Variants in TMEM132D observed in about 807,000 individuals in gnomAD.
TMEM132D encodes transmembrane protein 132D.
A neutral mutation model predicts 62.3 loss-of-function variants in TMEM132D; 21 were observed. That is an observed-to-expected ratio of 0.34 (90% CI 0.24 to 0.49). TMEM132D has a LOEUF of 0.49. Among genes scored for constraint, TMEM132D ranks in the 20% least tolerant of loss-of-function variants. The pLI, the probability that TMEM132D is intolerant of heterozygous loss-of-function variation, is 0.99. For missense variants in TMEM132D, 1,346 were observed against 1,402.8 expected (o/e 0.96, Z 0.65); for synonymous variants, 621 against 575.6 (o/e 1.08, Z -1.13).
chr12:129,215,422 C>A (rs937879485), intron 4 of TMEM132D, among the ~76,000 whole-genome samples: 1 of 152,250 alleles, frequency 6.6e-6, no homozygotes, highest in African/African-American at 2.4e-5. Context: ...GTACAACAAA[C>A]CTCCATGACA....
intron 4 of TMEM132D, among the ~76,000 whole-genome samples, chr12:129,251,976 C>T (rs1880279237): frequency 6.6e-6 from 1 of 152,158 alleles, no homozygotes; most frequent in African/African-American, 2.4e-5. Context: ...CTGGAACACC[C>T]ACCCTATACT....
chr12:129,445,831 T>C (rs1003615115), intron 3 of TMEM132D, among the ~76,000 whole-genome samples: 25 of 152,170 alleles, frequency 1.6e-4, no homozygotes, highest in Non-Finnish European at 3.2e-4. Context: ...CTGAGATGCA[T>C]TTATGTGCAG....
chr12:129,243,968 A>G (rs573341168), intron 4 of TMEM132D, among the ~76,000 whole-genome samples: 1 of 151,884 alleles, frequency 6.6e-6, no homozygotes, highest in African/African-American at 2.4e-5. Context: ...TTAGGTATAT[A>G]CCTAGAATCT....
chr12:129,557,270 G>C (rs1459509892), intron 2 of TMEM132D, among the ~76,000 whole-genome samples: 1 of 152,092 alleles, frequency 6.6e-6, no homozygotes, highest in Non-Finnish European at 1.5e-5. Flanking sequence ...TATGCATATA[G>C]ATTCAAATTT....
intron 1 of TMEM132D, among the ~76,000 whole-genome samples, chr12:129,748,045 G>T (rs1221958936): frequency 6.6e-6 from 1 of 152,188 alleles, no homozygotes; most frequent in Non-Finnish European, 1.5e-5. Context: ...CTGTGCATTT[G>T]CAACAGGGCT....
chr12:129,423,377 A>G (rs569874637), intron 3 of TMEM132D, among the ~76,000 whole-genome samples: 6 of 152,304 alleles, frequency 3.9e-5, no homozygotes, highest in African/African-American at 1.4e-4. Flanking sequence ...CTGTGCCTGC[A>G]CTGCCTTGTC....
chr12:129,610,182 G>A lies in TMEM132D; in HGVS notation c.969-78977C>T, dbSNP rs116363524. 4.6e-3 allele frequency among the ~76,000 whole-genome samples: 695 copies of A among 151,174 alleles called. 4 individuals carry two copies. Among genetic ancestry groups the A allele is most frequent in the African/African-American group, 0.016 (665 of 41,150 alleles). On this transcript the variant is annotated intron_variant, in intron 2 of 8. Coordinates refer to ENST00000422113, the MANE Select transcript of TMEM132D (RefSeq NM_133448.3). ...GCTACTTCAGGAGGCTGAGGCAGGA[G>A]AATAGAATTGCTTGAACCTGGGAGG...
At chr12:129,771,583 A>C (rs892308804) in intron 1 of TMEM132D, among the ~76,000 whole-genome samples, 1 of 152,210 alleles carries the variant, frequency 6.6e-6, no homozygotes, top group Non-Finnish European at 1.5e-5. Context: ...TTGAGAGTTC[A>C]TGTTTGCTAA....
rs143084996 is a variant in TMEM132D at position 129,700,121 on chromosome 12, C to T, written c.657G>A (p.Pro219=). 7.3e-5 allele frequency: 118 copies of T among 1,613,356 alleles called. No individual in the cohort carries two copies. The highest frequency in any genetic ancestry group is 5.7e-4 in the African/African-American group (43 of 75,026). The part of the protein sequence containing the change: ...VAGRRKSVDQ[P]EGTPVELYYT... ...AGTAGAGCTCCACGGGGGTCCCCTC[C>T]GGCTGGTCCACGGACTTCCTCCTCC... Residue 219 remains proline, a synonymous_variant, in exon 2 of 9, where the codon CCG becomes CCA. Transcript: ENST00000422113.
At chr12:129,103,203 C>T (rs1398789749) in intron 5 of TMEM132D, among the ~76,000 whole-genome samples, 1 of 152,140 alleles carries the variant, frequency 6.6e-6, no homozygotes, top group African/African-American at 2.4e-5. Context: ...GGATTTGCTC[C>T]TTCATCTCTT....
At chr12:129,790,759 C>A (rs1166796835) in intron 1 of TMEM132D, among the ~76,000 whole-genome samples, 1 of 152,210 alleles carries the variant, frequency 6.6e-6, no homozygotes, top group Non-Finnish European at 1.5e-5. Context: ...GGGATCCACC[C>A]TCCTCTGCCC....
At chr12:129,164,147 C>G (rs375736222) in intron 5 of TMEM132D, among the ~76,000 whole-genome samples, 1 of 152,182 alleles carries the variant, frequency 6.6e-6, no homozygotes, top group Admixed American at 6.5e-5. Flanking sequence ...CTGAAAAAAA[C>G]CACAACACAG....
chr12:129,294,144 C>G (rs1881513861), intron 4 of TMEM132D, among the ~76,000 whole-genome samples: 1 of 152,124 alleles, frequency 6.6e-6, no homozygotes, highest in African/African-American at 2.4e-5. Context: ...ATAATTAGAA[C>G]AGAGGGAAGT....
intron 4 of TMEM132D, among the ~76,000 whole-genome samples, chr12:129,226,614 G>A (rs1003895016): frequency 6.6e-5 from 10 of 152,238 alleles, no homozygotes; most frequent in Non-Finnish European, 1.2e-4. Flanking sequence ...CTGCCTTATA[G>A]GAATGTGAAC....
rs369879639 is a variant in TMEM132D, at chr12:129,338,301, G to T, written c.1116-484C>A. On this transcript the variant is annotated intron_variant, in intron 3 of 8. Transcript: ENST00000422113. ...TTATTGGCAGTGATAAGACAGAATT[G>T]CACAGAAACAGGCAACGTGTGCACA... is the stretch of plus-strand genomic sequence containing the variant. Among the ~76,000 whole-genome samples the T allele has an allele frequency of 1.9e-4, 29 of 152,242 alleles. No homozygotes were observed. In the South Asian group the frequency reaches 5.4e-3, roughly 28 times the overall value.
intron 4 of TMEM132D, among the ~76,000 whole-genome samples, chr12:129,243,301 C>T (rs568982812): frequency 2.5e-4 from 38 of 152,216 alleles, no homozygotes; most frequent in African/African-American, 7.0e-4. Flanking sequence ...CTATTTTACA[C>T]GAGGATTTTT....
At chr12:129,838,878 T>C (rs955199685) in intron 1 of TMEM132D, among the ~76,000 whole-genome samples, 1 of 152,050 alleles carries the variant, frequency 6.6e-6, no homozygotes, top group African/African-American at 2.4e-5. Flanking sequence ...CACACTGCTA[T>C]ATTCCATTTA....
At chr12:129,893,079 G>C (rs1361932076) in intron 1 of TMEM132D, among the ~76,000 whole-genome samples, 1 of 152,108 alleles carries the variant, frequency 6.6e-6, no homozygotes, top group African/African-American at 2.4e-5. Context: ...GTTTCATCAT[G>C]TTGGCCAGGC....
At chr12:129,160,511 C>G (rs1244976686) in intron 5 of TMEM132D, among the ~76,000 whole-genome samples, 1 of 152,212 alleles carries the variant, frequency 6.6e-6, no homozygotes, top group Non-Finnish European at 1.5e-5. Context: ...GCTGACATCC[C>G]TCTTGCTTAG....
Sources: allele counts gnomAD v4.1 joint callset (sites outside exome capture counted in the v4.1 genomes callset), GRCh38; gene constraint gnomAD v4.1.1; transcripts MANE v1.5; gene names NCBI Gene and HGNC (gene_info 2026-07-23, HGNC 2026-07-21).